NOP14: variants seen among roughly 807,000 people sequenced by gnomAD.
The protein encoded by NOP14 is NOP14 nucleolar protein.
Under a neutral mutation model 101.6 loss-of-function variants are expected in NOP14, and 57 were observed. The observed-to-expected ratio is 0.56, with a 90% confidence interval of 0.45 to 0.70. The LOEUF (loss-of-function observed/expected upper bound fraction) is 0.70. NOP14 is among the 30% of genes least tolerant of loss of function. The pLI is 0.00. For synonymous variants in NOP14, 428 were observed against 424.0 expected (o/e 1.01, Z -0.12); for missense variants, 1,134 against 1,075.5 (o/e 1.05, Z -0.76).
intron 6 of NOP14, 132 bp from the exon 7 acceptor site, chr4:2,951,377 CT>C: frequency 1.5e-6 from 1 of 682,770 alleles, no homozygotes; most frequent in Non-Finnish European, 2.5e-6. Context: ...ATCCAGCCTG[CT>C]TTCTGCCTGC....
rs371052435 is a variant in NOP14 at position 2,946,404 on chromosome 4, C to T, written c.1635+8G>A. 44 of 1,614,080 alleles carry T rather than the reference C, an allele frequency of 2.7e-5. 1 individual carries two copies. The highest frequency in any genetic ancestry group is 3.6e-5 in the Non-Finnish European group (42 of 1,180,016). ...GCAGGGGCAGTGCCTAGACTGAACT[C>T]TGCTTACCACATCCAACCCTGGCAA... On this transcript the variant is annotated splice_region_variant and intron_variant, in intron 11 of 17. Coordinates refer to ENST00000416614, the MANE Select transcript of NOP14 (RefSeq NM_001291978.2).
Position 2,963,238 on chromosome 4 carries a change from T to G in NOP14, c.82A>C (p.Asn28His). 6.3e-7 allele frequency: 1 copy of G among 1,590,632 alleles called. No homozygotes were observed. The highest frequency in any genetic ancestry group is 8.5e-7 in the Non-Finnish European group (1 of 1,170,950). Reference sequence around the variant, plus strand: ...ACTTTCACCTCGAACGGATTGGAGTTGGCCTTCGCCGGGCCCCCTCGCGCT... The same window carrying G: ...ACTTTCACCTCGAACGGATTGGAGTGGGCCTTCGCCGGGCCCCCTCGCGCT... ...AGARGGPAKA[N>H]SNPFEVKVNR... The change falls in exon 1 of 18, where the codon AAC becomes CAC. Residue 28 changes from asparagine (N) to histidine (H), a missense_variant. Transcript: ENST00000416614.
intron 11 of NOP14, among the ~76,000 whole-genome samples, chr4:2,945,583 C>G (rs573914511): frequency 7.9e-5 from 12 of 152,334 alleles, no homozygotes; most frequent in Non-Finnish European, 1.2e-4. Context: ...CACCAGGCAA[C>G]AGAATAAAGA....
intron 1 of NOP14, chr4:2,961,593 G>A (rs1715915023): frequency 6.6e-6 from 1 of 152,280 alleles, no homozygotes; most frequent in African/African-American, 2.4e-5. Flanking sequence ...ACGACCTGCT[G>A]TCCCTCAGAC....
rs373631315 is a variant in NOP14 at position 2,946,446 on chromosome 4, G to A, written c.1601C>T (p.Thr534Ile). Reference sequence around the variant, plus strand: ...CCCTGGCAATGCCGCCCGGCCTTTGGTCTCAATCATTTCTTCCATCTCATG... The same window carrying A: ...CCCTGGCAATGCCGCCCGGCCTTTGATCTCAATCATTTCTTCCATCTCATG... ...AMHEMEEMIE[T>I]KGRAALPGLD... The change falls in exon 11 of 18, where the codon ACC becomes ATC. Residue 534 changes from threonine to isoleucine, a missense_variant. Coordinates refer to ENST00000416614, the MANE Select transcript of NOP14 (RefSeq NM_001291978.2). The A allele has an allele frequency of 1.8e-5, 29 of 1,614,118 alleles. No individual in the cohort carries two copies. Among genetic ancestry groups the A allele is most frequent in the Non-Finnish European group, 2.5e-5 (29 of 1,180,052 alleles).
At chr4:2,947,783 C>A in intron 9 of NOP14, 172 bp from the exon 10 acceptor site, 1 of 625,540 alleles carries the variant, frequency 1.6e-6, no homozygotes, top group Non-Finnish European at 2.8e-6. Context: ...ACTGCTAGAA[C>A]TTGCTAAGCA....
In NOP14 at chr4:2,950,097, G is replaced by C. The variant is rs181539206; in HGVS notation, c.1119C>G (p.Ser373Arg). The C allele has an allele frequency of 6.2e-7, 1 of 1,613,990 alleles. No individual in the cohort carries two copies. Among genetic ancestry groups the C allele is most frequent in the African/African-American group, 1.3e-5 (1 of 75,006 alleles). The change falls in exon 8 of 18, where the codon AGC (serine) becomes AGG (arginine). Residue 373 changes from serine (S) to arginine (R), a missense_variant. Physicochemically the swap from Ser to Arg is moderately radical, Grantham distance 110. Coordinates refer to ENST00000416614, the MANE Select transcript of NOP14 (RefSeq NM_001291978.2). ...DSSGGEDTEE[S>R]DSPDSHLDLE... ...GGTCCAAGTGGCTATCTGGGCTGTC[G>C]CTCTCCTCTGTGTCCTCCCCGCCTG...
At position 2,944,603 on chromosome 4, in the gene NOP14, C is replaced by T. The variant is rs555262058; in HGVS notation, c.1738-377G>A. ...TGTATTTTTAGTAGAGACGGGGTTT[C>T]GCCATGTTGGCCACACTGGTCTTGA... is the stretch of plus-strand genomic sequence containing the variant. On this transcript the variant is annotated intron_variant, in intron 12 of 17. Transcript: ENST00000416614. 3.1e-4 allele frequency among the ~76,000 whole-genome samples: 47 copies of T among 152,236 alleles called. No homozygotes were observed. The South Asian group carries it at 9.3e-3, about 30-fold the overall frequency.
rs201866772 is a variant in NOP14 at position 2,939,248 on chromosome 4, C to T, written c.2414G>A (p.Arg805Gln). Residue 805 changes from arginine (R) to glutamine (Q), a missense_variant, in exon 17 of 18, where the codon CGA (arginine) becomes CAA (glutamine). Transcript: ENST00000416614. ...GAACTGATTGTCCTTGCGGATTTCT[C>T]GAACGGCCCCTTTAAATTCACGCTT... The part of the protein sequence containing the change: ...KHKREFKGAV[R>Q]EIRKDNQFLA... The T allele has an allele frequency of 2.4e-5, 39 of 1,614,040 alleles. No individual in the cohort carries two copies. The highest frequency in any genetic ancestry group is 1.6e-4 in the Middle Eastern group (1 of 6,062).
chr4:2,954,213 CAT>C (rs970114310), intron 4 of NOP14, among the ~76,000 whole-genome samples: 1 of 152,124 alleles, frequency 6.6e-6, no homozygotes, highest in Non-Finnish European at 1.5e-5. Flanking sequence ...TAAAACAAAA[CAT>C]AAACCAAAAA....
At chr4:2,958,395 G>A (rs780212271) in intron 1 of NOP14, among the ~76,000 whole-genome samples, 2 of 152,252 alleles carry the variant, frequency 1.3e-5, no homozygotes, top group African/African-American at 4.8e-5. Flanking sequence ...AGAGATGGGT[G>A]AGGAACGAGT....
chr4:2,940,936 GCTGCGGAGATGGCA>G (rs1216486625), intron 15 of NOP14: 2 of 153,318 alleles, frequency 1.3e-5, no homozygotes, highest in South Asian at 2.0e-4. Context: ...TGTGGGGGTA[GCTGCGGAGATGGCA>G]CTGATGCCTT....
At chr4:2,945,390 C>T (rs2109298813) in intron 11 of NOP14, among the ~76,000 whole-genome samples, 161 bp from the exon 12 acceptor site, 1 of 152,316 alleles carries the variant, frequency 6.6e-6, no homozygotes, top group Non-Finnish European at 1.5e-5. Flanking sequence ...GGCGTCCAAC[C>T]ACCGTGGGTC....
intron 1 of NOP14, among the ~76,000 whole-genome samples, chr4:2,959,633 G>T (rs1388619845): frequency 6.6e-6 from 1 of 151,910 alleles, no homozygotes; most frequent in African/African-American, 2.4e-5. Context: ...AACCACCTTG[G>T]GTACAATTTC....
chr4:2,961,332 C>A (rs555481206), intron 1 of NOP14: 142 of 6,248 alleles, frequency 0.023, 1 homozygote, highest in South Asian at 0.18. Context: ...ATTAATATAA[C>A]TTATTTTATA....
intron 1 of NOP14, among the ~76,000 whole-genome samples, chr4:2,959,452 G>C (rs1046305450): frequency 2.0e-5 from 3 of 151,946 alleles, no homozygotes; most frequent in Non-Finnish European, 4.4e-5. Context: ...AATTAGCCGG[G>C]TGTGGTGGCG....
chr4:2,955,631 A>C (rs560543566), intron 3 of NOP14, among the ~76,000 whole-genome samples: 23 of 152,186 alleles, frequency 1.5e-4, no homozygotes, highest in Non-Finnish European at 3.2e-4. Context: ...CCACTCGCCC[A>C]ACTCACACCA....
Position 2,953,648 on chromosome 4 carries a change from G to A in NOP14, c.613-3C>T, listed in dbSNP as rs1262598814. 6.2e-7 allele frequency: 1 copy of A among 1,613,804 alleles called. No homozygotes were observed. The highest frequency in any genetic ancestry group is 8.5e-7 in the Non-Finnish European group (1 of 1,179,946). On this transcript the variant is annotated splice_polypyrimidine_tract_variant and splice_region_variant and intron_variant, in intron 4 of 17. Coordinates refer to ENST00000416614, the MANE Select transcript of NOP14 (RefSeq NM_001291978.2). The stretch of plus-strand genomic sequence containing the variant: ...TCTCGTTGAGCTTGTCTCTCCCTCT[G>A]GGGAAAAAATAACAGACACACACCA...
Position 2,944,236 on chromosome 4 carries a change from A to C in NOP14, c.1738-10T>G. On this transcript the variant is annotated splice_polypyrimidine_tract_variant and intron_variant, in intron 12 of 17. Transcript: ENST00000416614. ...GGGACAGGATGGGGCACTGGAAAGG[A>C]ACATATGGGGGGTTACTGTCCTGGG... is the stretch of plus-strand genomic sequence containing the variant. The C allele has an allele frequency of 6.2e-7, 1 of 1,609,224 alleles. No homozygotes were observed. Among genetic ancestry groups the C allele is most frequent in the Non-Finnish European group, 8.5e-7 (1 of 1,178,572 alleles).
Sources: gnomAD v4.1 joint callset for allele counts (sites outside exome capture counted in the v4.1 genomes callset) on GRCh38, gnomAD v4.1.1 for gene constraint, MANE v1.5 for transcripts, NCBI Gene and HGNC (gene_info 2026-07-23, HGNC 2026-07-21) for gene names.